Variants in CSRNP3 observed in about 807,000 individuals in gnomAD.
The protein encoded by CSRNP3 is cysteine/serine-rich nuclear protein 3.
Under a neutral mutation model 48.0 loss-of-function variants are expected in CSRNP3, and 12 were observed. That is an observed-to-expected ratio of 0.25 (90% CI 0.16 to 0.41). CSRNP3 has a LOEUF of 0.41. CSRNP3 is among the 10% of genes least tolerant of loss of function. The pLI, the probability that CSRNP3 is intolerant of heterozygous loss-of-function variation, is 1.00. For missense variants in CSRNP3, 580 were observed against 724.4 expected (o/e 0.80, Z 2.29); for synonymous variants, 263 against 269.7 (o/e 0.98, Z 0.24).
At chr2:165,663,179 A>C (rs1430197602) in intron 5 of CSRNP3, among the ~76,000 whole-genome samples, 1 of 152,210 alleles carries the variant, frequency 6.6e-6, no homozygotes, top group East Asian at 1.9e-4. Flanking sequence ...GATAGAAGAG[A>C]TTAGAGGCTT....
intron 2 of CSRNP3, among the ~76,000 whole-genome samples, chr2:165,501,108 A>G (rs1478410037): frequency 1.3e-5 from 2 of 152,148 alleles, no homozygotes; most frequent in Admixed American, 6.6e-5. Flanking sequence ...TTACTTGCCA[A>G]AAGAATTGAT....
In CSRNP3 at chr2:165,682,898, G is replaced by A. The variant is rs1558975075; in HGVS notation, c.*3145G>A. ...TTGTATTGCCTCCATAGTATATCTA[G>A]CCAAACTGTAGTCTTTGACACACAA... On this transcript the variant is annotated 3_prime_UTR_variant, in exon 7 of 7. Transcript: ENST00000651982. The A allele has an allele frequency of 6.6e-6, 1 of 152,104 alleles. No homozygotes were observed. The highest frequency in any genetic ancestry group is 1.5e-5 in the Non-Finnish European group (1 of 68,018). The allele number at this position is 152,104 out of a possible 1,614,324, so 9.4% of individuals were successfully genotyped here. A position where few individuals can be genotyped will look rare whatever the true frequency, so the allele number is the denominator to read the frequency against.
intron 3 of CSRNP3, among the ~76,000 whole-genome samples, chr2:165,522,579 A>G (rs1684676920): frequency 6.6e-6 from 1 of 151,980 alleles, no homozygotes; most frequent in Admixed American, 6.6e-5. Flanking sequence ...CCCTAATGCA[A>G]TCATTGGGGT....
At chr2:165,600,465 G>A (rs564705703) in intron 4 of CSRNP3, among the ~76,000 whole-genome samples, 2 of 152,186 alleles carry the variant, frequency 1.3e-5, no homozygotes, top group East Asian at 1.9e-4. Flanking sequence ...GAGATGGCTG[G>A]GTCAAATGGT....
intron 2 of CSRNP3, among the ~76,000 whole-genome samples, chr2:165,496,048 C>G (rs1574804195): frequency 6.6e-6 from 1 of 151,934 alleles, no homozygotes; most frequent in African/African-American, 2.4e-5. Context: ...ACCCGAGATC[C>G]TATTTTTAAT....
chr2:165,653,603 A>C (rs1434312427), intron 4 of CSRNP3, among the ~76,000 whole-genome samples: 1 of 152,178 alleles, frequency 6.6e-6, no homozygotes, highest in Non-Finnish European at 1.5e-5. Flanking sequence ...CTCAAACTGC[A>C]GGTGGAGATC....
intron 3 of CSRNP3, among the ~76,000 whole-genome samples, chr2:165,525,519 C>T (rs1424495371): frequency 7.1e-6 from 1 of 141,386 alleles, no homozygotes; most frequent in Non-Finnish European, 1.5e-5. Context: ...CAGAGTCTTG[C>T]TCTGTCGTCC....
intron 4 of CSRNP3, among the ~76,000 whole-genome samples, chr2:165,606,438 T>C (rs1686014726): frequency 6.7e-6 from 1 of 149,750 alleles, no homozygotes; most frequent in Non-Finnish European, 1.5e-5. Context: ...AACACAATTA[T>C]GAACAGCTGT....
At chr2:165,489,256 G>A (rs1684167382) in intron 1 of CSRNP3, among the ~76,000 whole-genome samples, 7 of 149,250 alleles carry the variant, frequency 4.7e-5, no homozygotes, top group Admixed American at 6.7e-5. Context: ...GGAAGAAGTT[G>A]AATCTCTGAA....
chr2:165,557,315 G>A (rs1025633485), intron 3 of CSRNP3, among the ~76,000 whole-genome samples: 3 of 152,138 alleles, frequency 2.0e-5, no homozygotes, highest in Non-Finnish European at 2.9e-5. Flanking sequence ...TTAAAACAAC[G>A]GAGTTGAGTA....
chr2:165,524,219 CAGG>C (rs1227758446), intron 3 of CSRNP3, among the ~76,000 whole-genome samples: 1 of 151,994 alleles, frequency 6.6e-6, no homozygotes, highest in Non-Finnish European at 1.5e-5. Context: ...ATTCAAATAG[CAGG>C]AGGAGGGAAG....
rs779946162 is a variant in CSRNP3, at chr2:165,573,917, A to C, written c.-23-21126A>C. On this transcript the variant is annotated intron_variant, in intron 3 of 6. Coordinates refer to ENST00000651982, the MANE Select transcript of CSRNP3 (RefSeq NM_001172173.2). Reference sequence around the variant, plus strand: ...AAAATTGGCCTTCCACACGTATTTAAATGAAGCATTTGACTATTTGGGTTT... The same window carrying C: ...AAAATTGGCCTTCCACACGTATTTACATGAAGCATTTGACTATTTGGGTTT... Among the ~76,000 whole-genome samples, 18 of 152,194 alleles carry C rather than the reference A, an allele frequency of 1.2e-4. 1 individual carries two copies. Among genetic ancestry groups the C allele is most frequent in the Non-Finnish European group, 1.5e-5 (1 of 68,028 alleles).
At chr2:165,643,196 C>A (rs918679746) in intron 4 of CSRNP3, among the ~76,000 whole-genome samples, 9 of 152,122 alleles carry the variant, frequency 5.9e-5, no homozygotes, top group Non-Finnish European at 1.2e-4. Context: ...TAAACCAAAA[C>A]GCTGTTGGAA....
chr2:165,573,352 T>C (rs1264086598), intron 3 of CSRNP3, among the ~76,000 whole-genome samples: 3 of 152,178 alleles, frequency 2.0e-5, no homozygotes, highest in African/African-American at 7.2e-5. Context: ...TTATGTGTCT[T>C]TATGTATATT....
intron 4 of CSRNP3, among the ~76,000 whole-genome samples, chr2:165,607,700 GT>G (rs755131562): frequency 1.3e-5 from 2 of 152,072 alleles, no homozygotes; most frequent in Non-Finnish European, 2.9e-5. Flanking sequence ...AAATATGTAG[GT>G]TTGCTCTGAT....
At chr2:165,533,933 C>T (rs904305390) in intron 3 of CSRNP3, among the ~76,000 whole-genome samples, 2 of 151,892 alleles carry the variant, frequency 1.3e-5, no homozygotes, top group East Asian at 1.9e-4. Context: ...CTGTTTTCAA[C>T]ATATCTGTTA....
intron 2 of CSRNP3, among the ~76,000 whole-genome samples, chr2:165,505,690 GT>G (rs1217658586): frequency 6.6e-6 from 1 of 151,970 alleles, no homozygotes; most frequent in South Asian, 2.1e-4. Context: ...ACTTCCGGAG[GT>G]TTTTTTAATT....
intron 3 of CSRNP3, among the ~76,000 whole-genome samples, chr2:165,581,371 C>A (rs1192799047): frequency 1.3e-5 from 2 of 152,130 alleles, no homozygotes; most frequent in Admixed American, 1.3e-4. Flanking sequence ...TCTTTGTCAG[C>A]AGGACATAAG....
chr2:165,562,198 CTG>C (rs1247754584), intron 3 of CSRNP3, among the ~76,000 whole-genome samples: 2 of 152,106 alleles, frequency 1.3e-5, no homozygotes, highest in Non-Finnish European at 2.9e-5. Context: ...TGTTAGATAA[CTG>C]TGTGCAAAAT....
Sources: gnomAD v4.1 joint callset for allele counts (sites outside exome capture counted in the v4.1 genomes callset) on GRCh38, gnomAD v4.1.1 for gene constraint, MANE v1.5 for transcripts, NCBI Gene and HGNC (gene_info 2026-07-23, HGNC 2026-07-21) for gene names.